The following RBM26 variants were observed in gnomAD, a reference collection of about 807,000 sequenced individuals.
The protein encoded by RBM26 is RNA binding motif protein 26, also known as RNA-binding protein 26.
In RBM26, 30 loss-of-function variants were observed where a neutral mutation model predicts 123.6. The ratio of observed to expected loss-of-function variants is 0.24; its 90% CI spans 0.18 to 0.33. The LOEUF is 0.33. RBM26 is among the 10% of genes least tolerant of loss of function. The pLI, the probability that RBM26 is intolerant of heterozygous loss-of-function variation, is 1.00. For missense variants in RBM26, 947 were observed against 1,203.6 expected (o/e 0.79, Z 3.15); for synonymous variants, 400 against 404.4 (o/e 0.99, Z 0.13).
chr13:79,390,963 G>C (rs1003188499), intron 1 of RBM26, among the ~76,000 whole-genome samples: 1 of 152,136 alleles, frequency 6.6e-6, no homozygotes, highest in Non-Finnish European at 1.5e-5. Context: ...TAAGAACTTA[G>C]TATCTATTTA....
At chr13:79,337,557 A>G (rs866666102) in intron 18 of RBM26, among the ~76,000 whole-genome samples, 1 of 152,190 alleles carries the variant, frequency 6.6e-6, no homozygotes, top group African/African-American at 2.4e-5. Context: ...CTTGCTCTCT[A>G]AGACATCAGG....
intron 9 of RBM26, among the ~76,000 whole-genome samples, chr13:79,360,386 A>G (rs1209361430): frequency 6.6e-6 from 1 of 152,118 alleles, no homozygotes; most frequent in Non-Finnish European, 1.5e-5. Context: ...TAACTATGAA[A>G]AAGAATCAAT....
At chr13:79,347,418 A>C (rs2072520159) in intron 14 of RBM26, among the ~76,000 whole-genome samples, 1 of 152,196 alleles carries the variant, frequency 6.6e-6, no homozygotes, top group Admixed American at 6.5e-5. Context: ...CACTATTTGA[A>C]TCTATCTGGT....
At chr13:79,377,127 T>C (rs2076723815) in intron 3 of RBM26, 2 of 352,540 alleles carry the variant, frequency 5.7e-6, no homozygotes, top group Non-Finnish European at 1.0e-5. Context: ...TGTAAGCTTG[T>C]GCTTGTTTTC....
Position 79,405,904 on chromosome 13 carries a change from T to C in RBM26, c.-130A>G. The C allele has an allele frequency of 4.9e-6, 2 of 404,970 alleles. No individual in the cohort carries two copies. The highest frequency in any genetic ancestry group is 8.3e-6 in the Non-Finnish European group (2 of 241,358). The allele number at this position is 404,970 out of a possible 1,614,324, so 25.1% of individuals were successfully genotyped here. On this transcript the variant is annotated 5_prime_UTR_variant, in exon 1 of 22. Coordinates refer to ENST00000438737, the MANE Select transcript of RBM26 (RefSeq NM_001366735.2). The stretch of plus-strand genomic sequence containing the variant: ...CGCGGTGGGAGGCGCCGGTGGCAGG[T>C]TCCCGCGGGCCCCGGTCGGCGAACA...
chr13:79,366,728 G>C lies in RBM26; in HGVS notation c.1040C>G (p.Pro347Arg). ...VVEGPPPPGL[P>R]PPPPILTPPP... ...GGGTGTAAGAATTGGTGGAGGTGGG[G>C]GGAGTCCAGGAGGAGGTGGTCCTTC... is the stretch of plus-strand genomic sequence containing the variant. The change falls in exon 7 of 22, where the codon CCC becomes CGC. Residue 347 changes from proline (P) to arginine (R), a missense_variant. Transcript: ENST00000438737. The C allele has an allele frequency of 6.2e-7, 1 of 1,613,066 alleles. No homozygotes were observed. The highest frequency in any genetic ancestry group is 8.5e-7 in the Non-Finnish European group (1 of 1,179,458).
intron 21 of RBM26, among the ~76,000 whole-genome samples, chr13:79,321,659 A>C (rs2067681042): frequency 1.3e-5 from 2 of 151,004 alleles, no homozygotes; most frequent in South Asian, 4.2e-4. Flanking sequence ...CATCTAAAAT[A>C]CCTCTCAATT....
chr13:79,397,049 C>T (rs1220845211), intron 1 of RBM26, among the ~76,000 whole-genome samples: 4 of 152,160 alleles, frequency 2.6e-5, no homozygotes, highest in South Asian at 4.1e-4. Flanking sequence ...AGGGTGGTGG[C>T]GCACGCCTGT....
intron 20 of RBM26, among the ~76,000 whole-genome samples, chr13:79,329,041 C>T (rs1593968256): frequency 6.6e-6 from 1 of 151,644 alleles, no homozygotes; most frequent in East Asian, 1.9e-4. Flanking sequence ...ATAAGTATAA[C>T]CTTTATGGTG....
intron 1 of RBM26, among the ~76,000 whole-genome samples, chr13:79,383,434 T>C (rs2077228317): frequency 6.6e-6 from 1 of 152,186 alleles, no homozygotes; most frequent in Non-Finnish European, 1.5e-5. Context: ...AGAGAGAATA[T>C]ACATACAAAT....
rs1215940619 is a variant in RBM26, at chr13:79,320,170, T to A, written c.*451A>T. 2.1e-6 allele frequency: 2 copies of A among 958,048 alleles called. No homozygotes were observed. The highest frequency in any genetic ancestry group is 3.5e-5 in the African/African-American group (2 of 56,454). 59.3% of individuals were successfully genotyped at this position (958,048 alleles called of 1,614,324 possible). A position where few individuals can be genotyped will look rare whatever the true frequency, so the allele number is the denominator to read the frequency against. ...AGCATACTACTATGTAATATTATAATACATAACTTGGAGACTTTAGTTAGA... is the reference window on the plus strand; with the variant it reads ...AGCATACTACTATGTAATATTATAAAACATAACTTGGAGACTTTAGTTAGA... On this transcript the variant is annotated 3_prime_UTR_variant, in exon 22 of 22. Coordinates refer to ENST00000438737, the MANE Select transcript of RBM26 (RefSeq NM_001366735.2).
At chr13:79,353,756 A>T (rs1008574020) in intron 13 of RBM26, among the ~76,000 whole-genome samples, 2 of 152,180 alleles carry the variant, frequency 1.3e-5, no homozygotes, top group African/African-American at 4.8e-5. Context: ...GGTGGCATCC[A>T]CTAGCTAAGT....
chr13:79,333,803 A>T (rs1461961064), intron 20 of RBM26, among the ~76,000 whole-genome samples: 1 of 152,214 alleles, frequency 6.6e-6, no homozygotes, highest in Non-Finnish European at 1.5e-5. Flanking sequence ...AACTTTACTA[A>T]GAGTACCCTC....
At chr13:79,380,496 T>TA (rs71745215) in intron 1 of RBM26, among the ~76,000 whole-genome samples, 44,560 of 147,182 alleles carry the variant, frequency 0.3, 7,710 homozygotes, top group South Asian at 0.41. Flanking sequence ...GGAAAGTTTT[T>TA]AAAAAAAAAA....
chr13:79,356,644 TAC>T (rs1438067708), intron 11 of RBM26, among the ~76,000 whole-genome samples: 1 of 152,162 alleles, frequency 6.6e-6, no homozygotes, highest in Non-Finnish European at 1.5e-5. Context: ...TTAATAATTA[TAC>T]ATTTTTTAAG....
chr13:79,355,184 G>A (rs778323627), intron 12 of RBM26, 36 bp downstream of exon 12: 4 of 1,595,836 alleles, frequency 2.5e-6, no homozygotes, highest in East Asian at 2.2e-5. Context: ...AGCTTTCTAA[G>A]AAATGCGCGT....
In RBM26 at chr13:79,320,494, T is replaced by G; in HGVS notation, c.*127A>C. 7.9e-7 allele frequency: 1 copy of G among 1,270,788 alleles called. No individual in the cohort carries two copies. The highest frequency in any genetic ancestry group is 1.5e-5 in the African/African-American group (1 of 64,774). 78.7% of individuals were successfully genotyped at this position (1,270,788 alleles called of 1,614,324 possible). On this transcript the variant is annotated 3_prime_UTR_variant, in exon 22 of 22. Transcript: ENST00000438737. The stretch of plus-strand genomic sequence containing the variant: ...GAAGGTAGTTTTCTTCTTTTTTGTC[T>G]ATTTGTGAAATCCATCTTCATCACA...
chr13:79,386,332 A>G (rs535829541), intron 1 of RBM26, among the ~76,000 whole-genome samples: 3 of 151,820 alleles, frequency 2.0e-5, no homozygotes, highest in Non-Finnish European at 4.4e-5. Context: ...CATAGACACC[A>G]TGAAAGGCTC....
At chr13:79,373,206 AT>A (rs1259223350) in intron 3 of RBM26, among the ~76,000 whole-genome samples, 2 of 106,306 alleles carry the variant, frequency 1.9e-5, no homozygotes, top group Non-Finnish European at 3.5e-5. Flanking sequence ...ATATATAAAA[AT>A]ATATAAATAT....
Sources: gnomAD v4.1 joint callset for allele counts (sites outside exome capture counted in the v4.1 genomes callset) on GRCh38, gnomAD v4.1.1 for gene constraint, MANE v1.5 for transcripts, NCBI Gene and HGNC (gene_info 2026-07-23, HGNC 2026-07-21) for gene names.